The following CACNA2D3 variants were observed in gnomAD, a reference collection of about 807,000 sequenced individuals.
CACNA2D3 encodes the protein voltage-dependent calcium channel subunit alpha-2/delta-3.
In CACNA2D3, 60 loss-of-function variants were observed where a neutral mutation model predicts 160.6. That is an observed-to-expected ratio of 0.37 (90% CI 0.30 to 0.46). The LOEUF is 0.46. CACNA2D3 is among the 20% of genes least tolerant of loss of function. The pLI, the probability that CACNA2D3 is intolerant of heterozygous loss-of-function variation, is 1.00. For missense variants in CACNA2D3, 1,205 were observed against 1,365.0 expected (o/e 0.88, Z 1.85); for synonymous variants, 558 against 492.9 (o/e 1.13, Z -1.75).
intron 13 of CACNA2D3, among the ~76,000 whole-genome samples, chr3:54,785,318 A>G (rs377473971): frequency 3.0e-4 from 46 of 152,280 alleles, no homozygotes; most frequent in African/African-American, 9.4e-4. Flanking sequence ...AGCTTCTCCA[A>G]TTGAAGAATG....
At chr3:54,130,582 AG>A (rs909105534) in intron 2 of CACNA2D3, among the ~76,000 whole-genome samples, 9 of 57,428 alleles carry the variant, frequency 1.6e-4, no homozygotes, top group Admixed American at 9.4e-4. Context: ...CAACCTAATG[AG>A]GTAGGGACTA....
intron 11 of CACNA2D3, among the ~76,000 whole-genome samples, chr3:54,645,188 A>G (rs1226709912): frequency 6.6e-6 from 1 of 152,208 alleles, no homozygotes; most frequent in African/African-American, 2.4e-5. Flanking sequence ...GGCGGCAGGT[A>G]AGAGAGTGAG....
chr3:54,358,058 TTAA>T, intron 3 of CACNA2D3, among the ~76,000 whole-genome samples: 1 of 152,364 alleles, frequency 6.6e-6, no homozygotes, highest in African/African-American at 2.4e-5. Flanking sequence ...TGGGCTTTAA[TTAA>T]TAATGATGGC....
chr3:54,408,622 T>A (rs1267517433), intron 4 of CACNA2D3, among the ~76,000 whole-genome samples: 1 of 152,162 alleles, frequency 6.6e-6, no homozygotes, highest in Non-Finnish European at 1.5e-5. Context: ...AACCTACTGT[T>A]CTGCCATTGC....
chr3:54,986,989 A>G (rs2107107167), intron 30 of CACNA2D3, among the ~76,000 whole-genome samples: 1 of 152,318 alleles, frequency 6.6e-6, no homozygotes, highest in Non-Finnish European at 1.5e-5. Flanking sequence ...ACCAAGAAGT[A>G]GACTTACAAA....
intron 2 of CACNA2D3, among the ~76,000 whole-genome samples, chr3:54,319,601 A>G (rs568799035): frequency 1.3e-5 from 2 of 152,330 alleles, no homozygotes; most frequent in Non-Finnish European, 2.9e-5. Flanking sequence ...TCCACTAGGA[A>G]CAAAATTAAA....
chr3:54,730,192 T>G (rs1328220576), intron 11 of CACNA2D3, among the ~76,000 whole-genome samples: 1 of 152,194 alleles, frequency 6.6e-6, no homozygotes, highest in East Asian at 1.9e-4. Context: ...TCAACTTTGC[T>G]GTCCAGGTTC....
At chr3:54,610,890 A>C (rs758757776) in intron 9 of CACNA2D3, among the ~76,000 whole-genome samples, 2 of 152,128 alleles carry the variant, frequency 1.3e-5, no homozygotes, top group African/African-American at 4.8e-5. Flanking sequence ...TGGCCTCCCA[A>C]AATGCTGGGA....
chr3:54,335,723 G>T (rs781101560), intron 3 of CACNA2D3, among the ~76,000 whole-genome samples: 1 of 151,966 alleles, frequency 6.6e-6, no homozygotes, highest in Admixed American at 6.6e-5. Flanking sequence ...ATGGAGTTGC[G>T]GCCAGGCGCA....
At chr3:54,998,803 G>T (rs1201984847) in intron 31 of CACNA2D3, among the ~76,000 whole-genome samples, 1 of 152,092 alleles carries the variant, frequency 6.6e-6, no homozygotes. Flanking sequence ...CTGGAGTGCA[G>T]TGGCGTGGTC....
rs188628753 is a variant in CACNA2D3, at chr3:55,033,042, A to G, written c.2987+14725A>G. Among the ~76,000 whole-genome samples, 4 of 152,206 alleles carry G rather than the reference A, an allele frequency of 2.6e-5. No homozygotes were observed. In the South Asian group the frequency reaches 6.2e-4, roughly 24 times the overall value. ...AAAACAAGTATCTGTTTTGAAAACA[A>G]CTAGAAGCTCAGATTCCCAAGAGCT... On this transcript the variant is annotated intron_variant, in intron 35 of 37. Coordinates refer to ENST00000474759, the MANE Select transcript of CACNA2D3 (RefSeq NM_018398.3).
chr3:55,065,399 G>A (rs915955461), intron 35 of CACNA2D3, among the ~76,000 whole-genome samples: 3 of 152,166 alleles, frequency 2.0e-5, no homozygotes, highest in South Asian at 2.1e-4. Flanking sequence ...CCCACTCCAA[G>A]CTTATTTGGC....
chr3:54,806,503 G>A (rs1415657872), intron 13 of CACNA2D3, among the ~76,000 whole-genome samples: 1 of 151,874 alleles, frequency 6.6e-6, no homozygotes, highest in Non-Finnish European at 1.5e-5. Context: ...CAAGGGATGT[G>A]AAGGACCTCT....
intron 2 of CACNA2D3, 119 bp downstream of exon 2, chr3:54,123,713 T>G (rs1699526853): frequency 1.2e-6 from 1 of 821,700 alleles, no homozygotes; most frequent in Admixed American, 1.8e-5. Context: ...GACTCTCTGA[T>G]CCCCGGGTTT....
At chr3:54,185,147 C>T (rs1243512714) in intron 2 of CACNA2D3, among the ~76,000 whole-genome samples, 2 of 152,174 alleles carry the variant, frequency 1.3e-5, no homozygotes, top group Non-Finnish European at 2.9e-5. Context: ...TGTTTCAATA[C>T]CATAAGTTGT....
chr3:54,799,172 A>T (rs935501268), intron 13 of CACNA2D3, among the ~76,000 whole-genome samples: 4 of 152,184 alleles, frequency 2.6e-5, no homozygotes, highest in African/African-American at 7.2e-5. Context: ...TCTCACTGAT[A>T]TATATCATAA....
intron 23 of CACNA2D3, among the ~76,000 whole-genome samples, chr3:54,886,935 CT>C (rs60899252): frequency 6.6e-4 from 71 of 107,718 alleles, no homozygotes; most frequent in South Asian, 9.3e-4. Context: ...CAGCAAAGCT[CT>C]TTTTTTTTTT....
chr3:54,243,365 A>G (rs1702009468), intron 2 of CACNA2D3, among the ~76,000 whole-genome samples: 1 of 151,968 alleles, frequency 6.6e-6, no homozygotes, highest in Non-Finnish European at 1.5e-5. Flanking sequence ...GTAAATTCAC[A>G]TGTTTCCAAA....
chr3:54,637,975 G>A (rs973928862), intron 10 of CACNA2D3: 2 of 152,080 alleles, frequency 1.3e-5, no homozygotes, highest in Non-Finnish European at 2.9e-5. Context: ...CTGGAGAAAC[G>A]TCTGGCTGCT....
Sources: allele counts gnomAD v4.1 joint callset (sites outside exome capture counted in the v4.1 genomes callset), GRCh38; gene constraint gnomAD v4.1.1; transcripts MANE v1.5; gene names NCBI Gene and HGNC (gene_info 2026-07-23, HGNC 2026-07-21).